FOXJ3: variants seen among roughly 807,000 people sequenced by gnomAD.
The protein encoded by FOXJ3 is forkhead box protein J3.
In FOXJ3, 22 loss-of-function variants were observed where a neutral mutation model predicts 76.1. The ratio of observed to expected loss-of-function variants is 0.29; its 90% CI spans 0.21 to 0.41. FOXJ3 has a LOEUF of 0.41. FOXJ3 is among the 10% of genes least tolerant of loss of function. The pLI is 1.00. For synonymous variants in FOXJ3, 269 were observed against 261.2 expected (o/e 1.03, Z -0.29); for missense variants, 613 against 762.1 (o/e 0.80, Z 2.30).
At position 42,283,670 on chromosome 1, in the gene FOXJ3, A is replaced by G. The variant is rs532591159; in HGVS notation, c.45-4998T>C. Among the ~76,000 whole-genome samples, 21 of 152,300 alleles carry G rather than the reference A, an allele frequency of 1.4e-4. No homozygotes were observed. In the South Asian group the frequency reaches 3.7e-3, roughly 27 times the overall value. On this transcript the variant is annotated intron_variant, in intron 2 of 12. Transcript: ENST00000361346. ...AGACCTGCGGCACATAACAAAACTG[A>G]GCAACTTAGAACTCAGGAGAAATTC...
intron 11 of FOXJ3, among the ~76,000 whole-genome samples, chr1:42,184,178 G>T (rs484225): frequency 0.3 from 44,878 of 151,904 alleles, 7,353 homozygotes; most frequent in African/African-American, 0.44. Flanking sequence ...CAGAGTAATA[G>T]GGTCACTCAT....
intron 2 of FOXJ3, among the ~76,000 whole-genome samples, chr1:42,287,744 TGA>T (rs1653151208): frequency 6.6e-6 from 1 of 152,138 alleles, no homozygotes; most frequent in South Asian, 2.1e-4. Context: ...GCAGATCGCT[TGA>T]GCCCAGGAGT....
chr1:42,268,173 G>T (rs916090202), intron 3 of FOXJ3, among the ~76,000 whole-genome samples: 2 of 151,742 alleles, frequency 1.3e-5, no homozygotes, highest in African/African-American at 4.8e-5. Context: ...TACAGTGAAA[G>T]GGCTAAAAAT....
intron 5 of FOXJ3, among the ~76,000 whole-genome samples, chr1:42,222,929 G>A (rs1647275844): frequency 6.6e-6 from 1 of 152,146 alleles, no homozygotes; most frequent in Admixed American, 6.6e-5. Flanking sequence ...TGAAAGCTAA[G>A]CCACATAACC....
At chr1:42,195,990 C>G (rs1646643565) in intron 7 of FOXJ3, among the ~76,000 whole-genome samples, 1 of 152,224 alleles carries the variant, frequency 6.6e-6, no homozygotes, top group African/African-American at 2.4e-5. Context: ...GGGGCAGTTA[C>G]TCATCTACCT....
At chr1:42,213,746 TA>T (rs113780152) in intron 5 of FOXJ3, among the ~76,000 whole-genome samples, 4 of 151,994 alleles carry the variant, frequency 2.6e-5, no homozygotes, top group African/African-American at 9.6e-5. Context: ...ATGTGGATTC[TA>T]AAAAAAACCC....
intron 11 of FOXJ3, among the ~76,000 whole-genome samples, chr1:42,186,310 T>C (rs554043101): frequency 4.6e-5 from 7 of 152,148 alleles, no homozygotes; most frequent in South Asian, 2.1e-4. Context: ...AGCACCATAA[T>C]TGATGAGAGA....
chr1:42,189,046 G>T, intron 10 of FOXJ3, 118 bp from the exon 11 acceptor site: 1 of 652,232 alleles, frequency 1.5e-6, no homozygotes, highest in Non-Finnish European at 2.6e-6. Context: ...CTTTATGGTA[G>T]TGATTTATCC....
intron 3 of FOXJ3, among the ~76,000 whole-genome samples, chr1:42,276,021 T>G (rs1361088785): frequency 6.6e-6 from 1 of 152,086 alleles, no homozygotes; most frequent in Non-Finnish European, 1.5e-5. Flanking sequence ...AATTAATAAA[T>G]GTCAAAGGAA....
At chr1:42,209,811 A>G (rs1646931668) in intron 5 of FOXJ3, among the ~76,000 whole-genome samples, 1 of 152,220 alleles carries the variant, frequency 6.6e-6, no homozygotes. Flanking sequence ...TCACAGGTTG[A>G]GAGACACTCC....
rs1185244524 is a variant in FOXJ3, at chr1:42,176,686, A to G, written c.*3024T>C. 1 of 152,650 alleles carries G rather than the reference A, an allele frequency of 6.6e-6. No homozygotes were observed. Among genetic ancestry groups the G allele is most frequent in the Non-Finnish European group, 1.5e-5 (1 of 68,040 alleles). 9.5% of individuals were successfully genotyped at this position (152,650 alleles called of 1,614,324 possible). On this transcript the variant is annotated 3_prime_UTR_variant, in exon 13 of 13. Coordinates refer to ENST00000361346, the MANE Select transcript of FOXJ3 (RefSeq NM_014947.5). The stretch of plus-strand genomic sequence containing the variant: ...ATGGTTGCCGTTCATCATAGAGGCA[A>G]AATATGAAATCGTGCAATAGCAAAA...
At chr1:42,208,780 T>G (rs915103376) in intron 5 of FOXJ3, among the ~76,000 whole-genome samples, 3 of 152,170 alleles carry the variant, frequency 2.0e-5, no homozygotes, top group African/African-American at 7.2e-5. Context: ...GAAACTACCA[T>G]AAGTCAAAAA....
At chr1:42,320,468 T>G (rs1655366895) in intron 1 of FOXJ3, among the ~76,000 whole-genome samples, 1 of 152,186 alleles carries the variant, frequency 6.6e-6, no homozygotes, top group African/African-American at 2.4e-5. Flanking sequence ...TCATGTGGTC[T>G]AATAAAGAAC....
chr1:42,282,480 A>C (rs1427565525), intron 2 of FOXJ3, among the ~76,000 whole-genome samples: 1 of 152,164 alleles, frequency 6.6e-6, no homozygotes, highest in African/African-American at 2.4e-5. Flanking sequence ...TAGAGCAATT[A>C]CAACCTCAGT....
rs746161839 is a variant in FOXJ3, at chr1:42,188,721, AT to A, written c.1645+15del. The A allele has an allele frequency of 6.9e-7, 1 of 1,442,426 alleles. No individual in the cohort carries two copies. Among genetic ancestry groups the A allele is most frequent in the African/African-American group, 1.4e-5 (1 of 69,190 alleles). 89.4% of individuals were successfully genotyped at this position (1,442,426 alleles called of 1,614,324 possible). On this transcript the variant is annotated intron_variant, in intron 11 of 12. Coordinates refer to ENST00000361346, the MANE Select transcript of FOXJ3 (RefSeq NM_014947.5). Reference sequence around the variant, plus strand: ...TGAGAAAATGAGAAAAATCAAGAAGATAACTAACCCCATACCTGTTCCAATG... The same window carrying A: ...TGAGAAAATGAGAAAAATCAAGAAGAAACTAACCCCATACCTGTTCCAATG...
intron 1 of FOXJ3, among the ~76,000 whole-genome samples, chr1:42,328,239 A>G (rs898558586): frequency 5.3e-5 from 8 of 152,188 alleles, no homozygotes; most frequent in African/African-American, 1.9e-4. Context: ...GGAGGTTGCA[A>G]TGAGCTCTCA....
intron 1 of FOXJ3, among the ~76,000 whole-genome samples, chr1:42,329,123 T>C (rs912542486): frequency 2.6e-5 from 4 of 152,180 alleles, no homozygotes; most frequent in African/African-American, 4.8e-5. Flanking sequence ...ACATGTCAAA[T>C]AGAATCGCAG....
At chr1:42,187,827 A>C (rs756110401) in intron 11 of FOXJ3, among the ~76,000 whole-genome samples, 2 of 152,236 alleles carry the variant, frequency 1.3e-5, no homozygotes, top group Non-Finnish European at 2.9e-5. Flanking sequence ...TAGTGACTGA[A>C]GGTTTCAGGC....
intron 3 of FOXJ3, among the ~76,000 whole-genome samples, chr1:42,270,899 CAACT>C (rs925357164): frequency 3.9e-5 from 6 of 152,098 alleles, no homozygotes; most frequent in Non-Finnish European, 8.8e-5. Context: ...CCAATCCAAC[CAACT>C]GCTACATTCT....
Sources: allele counts gnomAD v4.1 joint callset (sites outside exome capture counted in the v4.1 genomes callset), GRCh38; gene constraint gnomAD v4.1.1; transcripts MANE v1.5; gene names NCBI Gene and HGNC (gene_info 2026-07-23, HGNC 2026-07-21).